The following GPC5 variants were observed in gnomAD, a reference collection of about 807,000 sequenced individuals.
GPC5 encodes the protein glypican 5.
In GPC5, 47 loss-of-function variants were observed where a neutral mutation model predicts 53.9. That is an observed-to-expected ratio of 0.87 (90% CI 0.69 to 1.11). GPC5 has a LOEUF of 1.11. GPC5 is among the 50% of genes most tolerant of loss of function. The pLI is 0.00. For synonymous variants in GPC5, 286 were observed against 263.3 expected (o/e 1.09, Z -0.84); for missense variants, 748 against 713.1 (o/e 1.05, Z -0.56).
intron 3 of GPC5, among the ~76,000 whole-genome samples, chr13:91,704,016 A>C (rs1369499591): frequency 1.3e-5 from 2 of 152,148 alleles, no homozygotes; most frequent in Non-Finnish European, 2.9e-5. Flanking sequence ...TCTCAAGTGT[A>C]GTTCAAAATT....
chr13:91,729,879 C>A (rs2036657661), intron 4 of GPC5, among the ~76,000 whole-genome samples: 1 of 152,180 alleles, frequency 6.6e-6, no homozygotes, highest in Admixed American at 6.5e-5. Flanking sequence ...TTAATATAAT[C>A]TATTCACTAG....
intron 6 of GPC5, among the ~76,000 whole-genome samples, chr13:92,132,183 G>A (rs933077857): frequency 1.3e-5 from 2 of 152,110 alleles, no homozygotes; most frequent in Admixed American, 1.3e-4. Context: ...AGTCAAAAGA[G>A]TGTTATATTT....
At chr13:92,203,006 T>C (rs1046200061) in intron 7 of GPC5, among the ~76,000 whole-genome samples, 1 of 152,178 alleles carries the variant, frequency 6.6e-6, no homozygotes, top group African/African-American at 2.4e-5. Flanking sequence ...CAATGTTTGA[T>C]TTTAGAAATC....
intron 6 of GPC5, among the ~76,000 whole-genome samples, chr13:92,072,301 C>G: frequency 6.6e-6 from 1 of 151,552 alleles, no homozygotes; most frequent in Admixed American, 6.6e-5. Context: ...GATTCTCCCT[C>G]TGTTGCCCAG....
Position 91,473,387 on chromosome 13 carries a change from T to A in GPC5, c.325+24465T>A, listed in dbSNP as rs116080755. 2.2e-3 allele frequency among the ~76,000 whole-genome samples: 328 copies of A among 152,232 alleles called. 1 individual carries two copies. Among genetic ancestry groups the A allele is most frequent in the African/African-American group, 7.5e-3 (311 of 41,550 alleles). On this transcript the variant is annotated intron_variant, in intron 2 of 7. Coordinates refer to ENST00000377067, the MANE Select transcript of GPC5 (RefSeq NM_004466.6). ...AGTCAACACAGCAATAGAAGTATAGTTCAATCAATGGAATGATTACCTAAT... is the reference window on the plus strand; with the variant it reads ...AGTCAACACAGCAATAGAAGTATAGATCAATCAATGGAATGATTACCTAAT...
intron 6 of GPC5, among the ~76,000 whole-genome samples, chr13:92,137,525 A>G (rs1001104589): frequency 1.3e-5 from 2 of 152,238 alleles, no homozygotes; most frequent in Admixed American, 6.5e-5. Context: ...TTAACTAACC[A>G]TAACTGAATA....
chr13:91,933,044 T>C (rs2039836305), intron 6 of GPC5, among the ~76,000 whole-genome samples: 1 of 152,002 alleles, frequency 6.6e-6, no homozygotes. Context: ...TATCCATAAT[T>C]TCCCTTATCT....
chr13:92,696,095 C>T (rs549006284), intron 7 of GPC5, among the ~76,000 whole-genome samples: 7 of 152,224 alleles, frequency 4.6e-5, no homozygotes, highest in East Asian at 1.9e-4. Flanking sequence ...TCCAGTCTAT[C>T]GTTGATGGGC....
intron 7 of GPC5, among the ~76,000 whole-genome samples, chr13:92,816,716 G>C (rs1004002140): frequency 6.6e-6 from 1 of 151,956 alleles, no homozygotes; most frequent in African/African-American, 2.4e-5. Flanking sequence ...GCAAAACTCA[G>C]GGTACATAGT....
At chr13:92,596,583 T>A (rs978356805) in intron 7 of GPC5, among the ~76,000 whole-genome samples, 1 of 152,038 alleles carries the variant, frequency 6.6e-6, no homozygotes, top group African/African-American at 2.4e-5. Context: ...AAGCGATTCT[T>A]ATGCCTCAGC....
intron 7 of GPC5, among the ~76,000 whole-genome samples, chr13:92,568,519 T>G (rs560017063): frequency 6.6e-6 from 1 of 152,348 alleles, no homozygotes; most frequent in Non-Finnish European, 1.5e-5. Context: ...ACTATTTAGT[T>G]TGTTATAACA....
At chr13:92,799,753 T>A (rs1299258629) in intron 7 of GPC5, among the ~76,000 whole-genome samples, 1 of 151,810 alleles carries the variant, frequency 6.6e-6, no homozygotes, top group African/African-American at 2.4e-5. Flanking sequence ...CACCTTTTTC[T>A]CTCCCTTCAC....
chr13:92,387,304 T>A (rs537906091), intron 7 of GPC5, among the ~76,000 whole-genome samples: 1 of 152,240 alleles, frequency 6.6e-6, no homozygotes, highest in South Asian at 2.1e-4. Flanking sequence ...GTAATGTAGA[T>A]GTTGTGAGCA....
chr13:92,754,868 C>A (rs1350910769), intron 7 of GPC5, among the ~76,000 whole-genome samples: 4 of 146,070 alleles, frequency 2.7e-5, no homozygotes, highest in Non-Finnish European at 3.0e-5. Flanking sequence ...TAGACTCCCA[C>A]ACATTAATAA....
intron 7 of GPC5, among the ~76,000 whole-genome samples, chr13:92,315,902 T>C (rs2043176157): frequency 6.6e-6 from 1 of 152,192 alleles, no homozygotes; most frequent in Admixed American, 6.5e-5. Flanking sequence ...AAAGACTTGG[T>C]TGGCCTTACT....
At chr13:91,525,249 C>A (rs1886031702) in intron 2 of GPC5, among the ~76,000 whole-genome samples, 1 of 152,036 alleles carries the variant, frequency 6.6e-6, no homozygotes, top group Non-Finnish European at 1.5e-5. Context: ...TTTTTTAGAG[C>A]ATCCTGAAAG....
intron 6 of GPC5, among the ~76,000 whole-genome samples, chr13:91,919,161 A>C (rs927542704): frequency 6.6e-6 from 1 of 152,140 alleles, no homozygotes; most frequent in African/African-American, 2.4e-5. Context: ...CCATTACTAC[A>C]GTCTCAATTT....
At chr13:91,864,175 G>T (rs1192632771) in intron 5 of GPC5, among the ~76,000 whole-genome samples, 1 of 152,192 alleles carries the variant, frequency 6.6e-6, no homozygotes, top group African/African-American at 2.4e-5. Context: ...GAGTTTTGAA[G>T]ATTGAGGGAA....
At chr13:92,014,716 A>G (rs1459713722) in intron 6 of GPC5, among the ~76,000 whole-genome samples, 1 of 152,148 alleles carries the variant, frequency 6.6e-6, no homozygotes, top group African/African-American at 2.4e-5. Context: ...GACTTATTCT[A>G]GTATAATATA....
Sources: gnomAD v4.1 joint callset for allele counts (sites outside exome capture counted in the v4.1 genomes callset) on GRCh38, gnomAD v4.1.1 for gene constraint, MANE v1.5 for transcripts, NCBI Gene and HGNC (gene_info 2026-07-23, HGNC 2026-07-21) for gene names.